The following PDGFRA variants were observed in gnomAD, a reference collection of about 807,000 sequenced individuals.
PDGFRA encodes platelet derived growth factor receptor alpha.
PDGFRA carries 25 observed loss-of-function variants against 121.5 expected under a neutral mutation model. The ratio of observed to expected loss-of-function variants is 0.21; its 90% CI spans 0.15 to 0.29. The LOEUF (loss-of-function observed/expected upper bound fraction) is 0.29. PDGFRA is among the 10% of genes least tolerant of loss of function. The pLI, the probability that PDGFRA is intolerant of heterozygous loss-of-function variation, is 1.00. For synonymous variants in PDGFRA, 463 were observed against 494.8 expected (o/e 0.94, Z 0.85); for missense variants, 1,008 against 1,345.1 (o/e 0.75, Z 3.92).
intron 17 of PDGFRA, 102 bp downstream of exon 17, chr4:54,285,588 G>A: frequency 1.3e-6 from 1 of 754,150 alleles, no homozygotes; most frequent in Non-Finnish European, 2.4e-6. Flanking sequence ...TTAATAACAG[G>A]GGCCTCTTAC....
At chr4:54,285,621 C>A (rs1007585495) in intron 17 of PDGFRA, 135 bp downstream of exon 17, 1 of 735,432 alleles carries the variant, frequency 1.4e-6, no homozygotes, top group Non-Finnish European at 2.5e-6. Flanking sequence ...CTCCTTCATC[C>A]CCTACGCAGG....
In PDGFRA at chr4:54,277,658, T is replaced by C. The variant is rs576027737; in HGVS notation, c.1891+166T>C. On this transcript the variant is annotated intron_variant, in intron 13 of 22. Coordinates refer to ENST00000257290, the MANE Select transcript of PDGFRA (RefSeq NM_006206.6). Reference sequence around the variant, plus strand: ...TGTATTTAGATTAGGTTTATTTAGATTGCTCTTGCTGCCTGTATGTTGGAA... The same window carrying C: ...TGTATTTAGATTAGGTTTATTTAGACTGCTCTTGCTGCCTGTATGTTGGAA... Among the ~76,000 whole-genome samples the C allele has an allele frequency of 2.6e-5, 4 of 152,348 alleles. No individual in the cohort carries two copies. The South Asian group carries it at 8.3e-4, about 32-fold the overall frequency.
intron 1 of PDGFRA, among the ~76,000 whole-genome samples, chr4:54,252,334 T>C (rs1229568481): frequency 6.6e-6 from 1 of 152,250 alleles, no homozygotes; most frequent in Admixed American, 6.5e-5. Context: ...GCTGTTGTCC[T>C]CTTTGTGTAG....
chr4:54,249,127 T>C (rs1016227812), intron 1 of PDGFRA, among the ~76,000 whole-genome samples: 20 of 152,168 alleles, frequency 1.3e-4, no homozygotes, highest in African/African-American at 4.3e-4. Context: ...GGTGTAAAAG[T>C]GTTGGTGGGA....
In PDGFRA at chr4:54,262,035, G is replaced by A. The variant is rs562936565; in HGVS notation, c.367+623G>A. ...CAATCTCAACTCCCTTGGTTCAAGC[G>A]ATTCTCCCACTTCAGCCTCCCCAGT... On this transcript the variant is annotated intron_variant, in intron 3 of 22. Transcript: ENST00000257290. 4.4e-3 allele frequency among the ~76,000 whole-genome samples: 664 copies of A among 150,196 alleles called. 2 individuals carry two copies. The highest frequency in any genetic ancestry group is 8.1e-3 in the Non-Finnish European group (552 of 67,740).
At position 54,280,404 on chromosome 4, in the gene PDGFRA, A is replaced by C. The variant is rs1260734299; in HGVS notation, c.2245A>C (p.Lys749Gln). Residue 749 changes from lysine to glutamine, a missense_variant, in exon 16 of 23, where the codon AAA becomes CAA. Around this residue, in one of 5 missense-constraint regions of PDGFRA, gnomAD observed 128 missense variants for 147.6 expected, o/e 0.87. Coordinates refer to ENST00000257290, the MANE Select transcript of PDGFRA (RefSeq NM_006206.6). ...TTQYVPMLER[K>Q]EVSKYSDIQR... ...ACAGTATGTCCCCATGCTAGAAAGG[A>C]AAGAGGTTTCTAAATATTCCGACAT... 1 of 1,613,174 alleles carries C rather than the reference A, an allele frequency of 6.2e-7. No individual in the cohort carries two copies. Among genetic ancestry groups the C allele is most frequent in the South Asian group, 1.1e-5 (1 of 91,056 alleles).
intron 2 of PDGFRA, 29 bp downstream of exon 2, chr4:54,258,846 T>A: frequency 6.3e-7 from 1 of 1,598,246 alleles, no homozygotes; most frequent in Non-Finnish European, 8.6e-7. Context: ...TCTGAGTTCC[T>A]TGTTTGGGTG....
intron 15 of PDGFRA, chr4:54,278,834 C>G: frequency 2.0e-6 from 1 of 506,052 alleles, no homozygotes; most frequent in East Asian, 5.4e-5. Context: ...GCCAGGGATG[C>G]TTGAGTTCTG....
chr4:54,237,050 C>T (rs1380127782), intron 1 of PDGFRA, among the ~76,000 whole-genome samples: 1 of 152,022 alleles, frequency 6.6e-6, no homozygotes, highest in African/African-American at 2.4e-5. Context: ...CTCACTGCAA[C>T]CTCTGCCTAC....
chr4:54,260,858 T>C (rs1326988960), intron 2 of PDGFRA, among the ~76,000 whole-genome samples: 1 of 152,162 alleles, frequency 6.6e-6, no homozygotes, highest in Non-Finnish European at 1.5e-5. Context: ...TCTGTCTATT[T>C]GAGTGTTTGG....
chr4:54,277,090 G>A (rs1048401925), intron 12 of PDGFRA: 1 of 444,628 alleles, frequency 2.2e-6, no homozygotes, highest in Admixed American at 3.5e-5. Flanking sequence ...GATCCCAGGG[G>A]CTGGCCCAGC....
In PDGFRA at chr4:54,278,005, A is replaced by G. The variant is rs1560483194; in HGVS notation, c.2001A>G (p.Ser667=). 4 of 1,585,680 alleles carry G rather than the reference A, an allele frequency of 2.5e-6. No individual in the cohort carries two copies. In the Admixed American group the frequency reaches 6.7e-5, roughly 26 times the overall value. The change falls in exon 14 of 23, where the codon TCA becomes TCG. Residue 667 remains serine (S), a splice_region_variant and synonymous_variant. Coordinates refer to ENST00000257290, the MANE Select transcript of PDGFRA (RefSeq NM_006206.6). ...ACTTGCTGGGAGCCTGCACCAAGTC[A>G]GGTGGGCTCACTGACCTGGAGTGAG... is the stretch of plus-strand genomic sequence containing the variant. The part of the protein sequence containing the change: ...IVNLLGACTK[S]GPIYIITEYC...
chr4:54,242,332 T>C (rs1039946385), intron 1 of PDGFRA, among the ~76,000 whole-genome samples: 2 of 152,240 alleles, frequency 1.3e-5, no homozygotes, highest in African/African-American at 4.8e-5. Context: ...TCTTTGGAGA[T>C]ACCTCTTGTG....
chr4:54,248,917 A>C (rs1002495492), intron 1 of PDGFRA, among the ~76,000 whole-genome samples: 1 of 152,254 alleles, frequency 6.6e-6, no homozygotes, highest in Non-Finnish European at 1.5e-5. Context: ...GGACATGAAC[A>C]GACACTTCTC....
intron 15 of PDGFRA, among the ~76,000 whole-genome samples, chr4:54,279,902 T>TTATATATATATATATATATATATATA (rs34230327): frequency 1.4e-5 from 2 of 147,604 alleles, no homozygotes; most frequent in African/African-American, 5.0e-5. Flanking sequence ...TATAGCTGAG[T>TTATATATATATATATATATATATATA]TACATATATA....
intron 19 of PDGFRA, among the ~76,000 whole-genome samples, chr4:54,288,387 C>T (rs904758330): frequency 1.3e-5 from 2 of 152,094 alleles, no homozygotes; most frequent in African/African-American, 4.8e-5. Context: ...CCTGTACTCC[C>T]TTAAAAGCAG....
At chr4:54,264,795 T>G in intron 4 of PDGFRA, 124 bp from the exon 5 acceptor site, 1 of 881,948 alleles carries the variant, frequency 1.1e-6, no homozygotes, top group Non-Finnish European at 1.8e-6. Context: ...AATTTTATCT[T>G]GATCAAACTG....
Position 54,290,366 on chromosome 4 carries a change from A to G in PDGFRA, c.2934A>G (p.Ala978=), listed in dbSNP as rs1365020882. The change falls in exon 22 of 23, where the codon GCA becomes GCG. Residue 978 remains alanine (A), a synonymous_variant. Coordinates refer to ENST00000257290, the MANE Select transcript of PDGFRA (RefSeq NM_006206.6). The part of the protein sequence containing the change: ...DFLKSDHPAV[A]RMRVDSDNAY... Reference sequence around the variant, plus strand: ...TGAAGAGTGACCATCCTGCTGTGGCACGCATGCGTGTGGACTCAGACAATG... The same window carrying G: ...TGAAGAGTGACCATCCTGCTGTGGCGCGCATGCGTGTGGACTCAGACAATG... 4 of 1,612,672 alleles carry G rather than the reference A, an allele frequency of 2.5e-6. No individual in the cohort carries two copies. Among genetic ancestry groups the G allele is most frequent in the Non-Finnish European group, 3.4e-6 (4 of 1,178,724 alleles).
Position 54,295,154 on chromosome 4 carries a change from A to T in PDGFRA, c.3152A>T (p.Glu1051Val). The change falls in exon 23 of 23, where the codon GAG (glutamate) becomes GTG (valine). Residue 1051 changes from glutamate to valine, a missense_variant. Around this residue, in one of 5 missense-constraint regions of PDGFRA, gnomAD observed 204 missense variants for 243.0 expected, o/e 0.84. Transcript: ENST00000257290. The part of the protein sequence containing the change: ...SSQTSEESAI[E>V]TGSSSSTFIK... ...CAGACCTCTGAAGAGAGTGCCATTG[A>T]GACGGGTTCCAGCAGTTCCACCTTC... The T allele has an allele frequency of 6.2e-7, 1 of 1,614,104 alleles. No individual in the cohort carries two copies. Among genetic ancestry groups the T allele is most frequent in the Non-Finnish European group, 8.5e-7 (1 of 1,179,988 alleles).
Sources: gnomAD v4.1 joint callset for allele counts (sites outside exome capture counted in the v4.1 genomes callset) on GRCh38, gnomAD v4.1.1 for gene constraint, gnomAD v4.1.1 regional missense constraint, MANE v1.5 for transcripts, NCBI Gene and HGNC (gene_info 2026-07-23, HGNC 2026-07-21) for gene names.